The following RPTOR variants were observed in gnomAD, a reference collection of about 807,000 sequenced individuals.
RPTOR encodes the protein regulatory-associated protein of mTOR.
Under a neutral mutation model 169.9 loss-of-function variants are expected in RPTOR, and 21 were observed. That is an observed-to-expected ratio of 0.12 (90% confidence interval 0.09 to 0.18). The LOEUF (loss-of-function observed/expected upper bound fraction) is 0.18. RPTOR is among the 10% of genes least tolerant of loss of function. RPTOR has a pLI of 1.00. For synonymous variants in RPTOR, 732 were observed against 753.2 expected, an observed-to-expected ratio of 0.97 and a Z score of 0.46; for missense variants, 1,133 against 1,855.9, an observed-to-expected ratio of 0.61 and a Z score of 7.16.
chr17:80,799,723 G>C (rs934846302), intron 7 of RPTOR, among the ~76,000 whole-genome samples: 2 of 148,632 alleles, frequency 1.3e-5, no homozygotes, highest in African/African-American at 5.1e-5. Flanking sequence ...TCCCCTCCCT[G>C]GCGGCCGCCC....
intron 4 of RPTOR, among the ~76,000 whole-genome samples, chr17:80,713,480 A>G (rs1240921776): frequency 2.6e-5 from 4 of 152,230 alleles, no homozygotes; most frequent in African/African-American, 9.6e-5. Flanking sequence ...GATGTCCCAC[A>G]TTCTAGTTTA....
chr17:80,570,804 G>A (rs12942701), intron 1 of RPTOR, among the ~76,000 whole-genome samples: 31,338 of 152,106 alleles, frequency 0.21, 3,192 homozygotes, highest in East Asian at 0.28. Flanking sequence ...ATGTATTAAT[G>A]AGTTGTTCTT....
intron 1 of RPTOR, among the ~76,000 whole-genome samples, chr17:80,575,213 C>T (rs1019225673): frequency 6.7e-6 from 1 of 148,948 alleles, no homozygotes; most frequent in Non-Finnish European, 1.5e-5. Flanking sequence ...CTGTGTTACC[C>T]AGGCTGGTCT....
intron 2 of RPTOR, among the ~76,000 whole-genome samples, chr17:80,630,091 A>C (rs2065430829): frequency 1.4e-5 from 2 of 147,934 alleles, no homozygotes; most frequent in Non-Finnish European, 3.0e-5. Flanking sequence ...CTTTCCTTCT[A>C]GAGCCTCTGC....
chr17:80,963,993 C>T (rs1378631918), intron 33 of RPTOR, among the ~76,000 whole-genome samples: 1 of 152,178 alleles, frequency 6.6e-6, no homozygotes, highest in Non-Finnish European at 1.5e-5. Context: ...ACACGTGTGA[C>T]ATTGGATCCC....
chr17:80,836,068 A>T (rs2138118), intron 9 of RPTOR, among the ~76,000 whole-genome samples: 1 of 151,716 alleles, frequency 6.6e-6, no homozygotes, highest in Non-Finnish European at 1.5e-5. Flanking sequence ...CTAGAGAGAG[A>T]GCCACGCGCC....
At chr17:80,962,773 G>C (rs919231783) in intron 32 of RPTOR, among the ~76,000 whole-genome samples, 155 bp from the exon 33 acceptor site, 1 of 152,156 alleles carries the variant, frequency 6.6e-6, no homozygotes, top group Non-Finnish European at 1.5e-5. Context: ...TGCCAGGCCC[G>C]AGTCCTCAGT....
intron 1 of RPTOR, among the ~76,000 whole-genome samples, chr17:80,598,090 C>G (rs1339032073): frequency 5.3e-5 from 8 of 152,000 alleles, no homozygotes; most frequent in Non-Finnish European, 1.5e-5. Context: ...CACCGTGAGC[C>G]GTGATCATGC....
At position 80,566,823 on chromosome 17, in the gene RPTOR, C is replaced by CAAAAAAAA. The variant is rs56295360; in HGVS notation, c.162+21054_162+21061dup. 7.6e-4 allele frequency among the ~76,000 whole-genome samples: 64 copies of CAAAAAAAA among 83,982 alleles called. 3 individuals carry two copies. Among genetic ancestry groups the CAAAAAAAA allele is most frequent in the African/African-American group, 3.2e-3 (63 of 19,900 alleles). The allele number at this position is 83,982 out of a possible 152,430, so 55.1% of individuals were successfully genotyped here. A position where few individuals can be genotyped will look rare whatever the true frequency, so the allele number is the denominator to read the frequency against. ...TGGGCGACAGAGCGAGACTCCGTCT[C>CAAAAAAAA]AAAAAAAAAAAAAAAAAAAAAAAAA... On this transcript the variant is annotated intron_variant, in intron 1 of 33. Transcript: ENST00000306801.
intron 9 of RPTOR, among the ~76,000 whole-genome samples, chr17:80,829,720 CTCT>C (rs147651776): frequency 7.6e-4 from 116 of 152,366 alleles, no homozygotes; most frequent in African/African-American, 2.6e-3. Flanking sequence ...GCTTCCCCCA[CTCT>C]TCTTCCTCAG....
At chr17:80,717,815 C>T (rs1029951353) in intron 4 of RPTOR, among the ~76,000 whole-genome samples, 10 of 152,194 alleles carry the variant, frequency 6.6e-5, no homozygotes, top group African/African-American at 2.2e-4. Context: ...AAGCAAAATC[C>T]GGGCTCAGAT....
At chr17:80,838,556 C>T (rs896386875) in intron 10 of RPTOR, among the ~76,000 whole-genome samples, 2 of 152,276 alleles carry the variant, frequency 1.3e-5, no homozygotes, top group African/African-American at 4.8e-5. Flanking sequence ...TTTTGCCTTA[C>T]GTGAGGCGCC....
intron 24 of RPTOR, among the ~76,000 whole-genome samples, chr17:80,927,742 G>GTGTGTGTCTC (rs2068829977): frequency 3.1e-5 from 3 of 97,486 alleles, no homozygotes; most frequent in African/African-American, 1.2e-4. Context: ...CTGTGTGTCT[G>GTGTGTGTCTC]TGTGTGTGTG....
At chr17:80,762,374 G>A (rs2066744752) in intron 6 of RPTOR, among the ~76,000 whole-genome samples, 1 of 152,196 alleles carries the variant, frequency 6.6e-6, no homozygotes, top group Admixed American at 6.5e-5. Flanking sequence ...TGGGGGCTGG[G>A]GTGAGGGGTG....
At chr17:80,660,877 A>G (rs1283018934) in intron 3 of RPTOR, among the ~76,000 whole-genome samples, 2 of 151,316 alleles carry the variant, frequency 1.3e-5, no homozygotes, top group Non-Finnish European at 2.9e-5. Context: ...TACCACCCCA[A>G]GTCAGCTTCC....
chr17:80,609,279 A>T lies in RPTOR; in HGVS notation c.163-16412A>T, dbSNP rs2065252876. Among the ~76,000 whole-genome samples the T allele has an allele frequency of 6.6e-6, 1 of 152,196 alleles. No homozygotes were observed. The highest frequency in any genetic ancestry group is 2.1e-4 in the South Asian group (1 of 4,828). Reference sequence around the variant, plus strand: ...AGGTCGGAAGAGGCATTTGGAAATGACACGCTCTGTCCAGGAACTGCAGTA... The same window carrying T: ...AGGTCGGAAGAGGCATTTGGAAATGTCACGCTCTGTCCAGGAACTGCAGTA... On this transcript the variant is annotated intron_variant, in intron 1 of 33. Transcript: ENST00000306801. The surrounding 1 kb of genome is among the most constrained non-coding windows in gnomAD (Gnocchi z 4.8).
intron 16 of RPTOR, 60 bp from the exon 17 acceptor site, chr17:80,884,948 A>C: frequency 6.4e-7 from 1 of 1,560,092 alleles, no homozygotes; most frequent in South Asian, 1.2e-5. Flanking sequence ...CCCTGGCAGA[A>C]AGGCAGGCTG....
At chr17:80,774,210 T>G (rs1039002902) in intron 6 of RPTOR, 1 of 985,416 alleles carries the variant, frequency 1.0e-6, no homozygotes, top group African/African-American at 1.7e-5. Context: ...TCCACCCGCC[T>G]TGAGTTCTCG....
In RPTOR at chr17:80,746,110, T is replaced by C. The variant is rs906813704; in HGVS notation, c.655-7900T>C. On this transcript the variant is annotated intron_variant, in intron 5 of 33. Transcript: ENST00000306801. This position sits in a 1 kb window ranked among gnomAD's most constrained non-coding sequence, Gnocchi z 4.5. ...CCAGGAGGTGGAGGTTGCAGTGAGC[T>C]GAGATGGTGCCATTGCCCTCCAGCC... Among the ~76,000 whole-genome samples, 1 of 150,572 alleles carries C rather than the reference T, an allele frequency of 6.6e-6. No individual in the cohort carries two copies. The highest frequency in any genetic ancestry group is 1.5e-5 in the Non-Finnish European group (1 of 67,762).
Sources: allele counts gnomAD v4.1 joint callset (sites outside exome capture counted in the v4.1 genomes callset), GRCh38; gene constraint gnomAD v4.1.1; non-coding constraint Gnocchi (gnomAD v3.1); transcripts MANE v1.5; gene names NCBI Gene and HGNC (gene_info 2026-07-23, HGNC 2026-07-21).